The following WDPCP variants were observed in gnomAD, a reference collection of about 807,000 sequenced individuals.
WDPCP encodes WD repeat-containing and planar cell polarity effector protein fritz homolog.
A neutral mutation model predicts 93.1 loss-of-function variants in WDPCP; 71 were observed. That is an observed-to-expected ratio of 0.76 (90% confidence interval 0.63 to 0.93). The LOEUF (loss-of-function observed/expected upper bound fraction) is 0.93, where lower values mean the gene tolerates loss of function less well. WDPCP is among the 40% of genes least tolerant of loss of function. The pLI, the probability that WDPCP is intolerant of heterozygous loss-of-function variation, is 0.00. For missense variants in WDPCP, 844 were observed against 887.4 expected, an observed-to-expected ratio of 0.95 and a Z score of 0.62; for synonymous variants, 315 against 315.0, an observed-to-expected ratio of 1.00 and a Z score of 0.00.
chr2:63,580,487 A>G (rs6737621), intron 1 of WDPCP, among the ~76,000 whole-genome samples: 14 of 151,992 alleles, frequency 9.2e-5, no homozygotes, highest in Non-Finnish European at 1.9e-4. Flanking sequence ...ATGCTCTGAT[A>G]AGGCCACAAC....
chr2:63,606,841 AT>A, intron 3 of WDPCP: 1 of 1,585,304 alleles, frequency 6.3e-7, no homozygotes, highest in Non-Finnish European at 8.6e-7. Flanking sequence ...TAAATCTCTT[AT>A]TTGCATTATT....
intron 2 of WDPCP, among the ~76,000 whole-genome samples, chr2:63,689,743 C>A (rs529897340): frequency 2.4e-4 from 36 of 152,264 alleles, no homozygotes; most frequent in East Asian, 2.3e-3. Context: ...TATAAGATCT[C>A]TGAAATAGAA....
intron 1 of WDPCP, among the ~76,000 whole-genome samples, chr2:63,520,421 A>G (rs1264460330): frequency 6.6e-6 from 1 of 152,172 alleles, no homozygotes; most frequent in Non-Finnish European, 1.5e-5. Context: ...AGATCATCCC[A>G]AAGACAAATA....
chr2:63,362,971 A>C (rs1445915534), intron 12 of WDPCP, among the ~76,000 whole-genome samples: 1 of 152,196 alleles, frequency 6.6e-6, no homozygotes, highest in South Asian at 2.1e-4. Context: ...TTGTAATTTA[A>C]AAACTTAAAA....
chr2:63,736,205 T>A (rs1444463629), intron 2 of WDPCP, among the ~76,000 whole-genome samples: 1 of 152,278 alleles, frequency 6.6e-6, no homozygotes, highest in Non-Finnish European at 1.5e-5. Flanking sequence ...GTGGATATTC[T>A]ATGTTGGCTA....
At chr2:63,533,422 C>G (rs927500944) in intron 1 of WDPCP, among the ~76,000 whole-genome samples, 2 of 152,190 alleles carry the variant, frequency 1.3e-5, no homozygotes, top group Non-Finnish European at 2.9e-5. Context: ...CTCAGCATCA[C>G]ATCACACTTA....
At chr2:63,445,383 G>A (rs535023013) in intron 6 of WDPCP, among the ~76,000 whole-genome samples, 17 of 152,110 alleles carry the variant, frequency 1.1e-4, no homozygotes, top group South Asian at 2.1e-4. Context: ...GGAATACAAC[G>A]TACCTAGAAA....
At chr2:63,169,080 T>C (rs1008359803) in intron 15 of WDPCP, among the ~76,000 whole-genome samples, 1 of 152,238 alleles carries the variant, frequency 6.6e-6, no homozygotes, top group Non-Finnish European at 1.5e-5. Context: ...TCCCATTTTC[T>C]AAAGTTGTAT....
chr2:63,237,082 C>T (rs1315953130), intron 14 of WDPCP, among the ~76,000 whole-genome samples: 6 of 151,812 alleles, frequency 4.0e-5, no homozygotes, highest in Admixed American at 3.9e-4. Flanking sequence ...ACAAACTACA[C>T]CTCCAACAAA....
At chr2:63,807,238 G>A (rs1670780894) in intron 2 of WDPCP, among the ~76,000 whole-genome samples, 2 of 152,204 alleles carry the variant, frequency 1.3e-5, no homozygotes, top group South Asian at 4.1e-4. Context: ...CCCCATTATT[G>A]GAGGAGGGGG....
chr2:63,775,142 C>A (rs2103956699), intron 2 of WDPCP, among the ~76,000 whole-genome samples: 1 of 152,206 alleles, frequency 6.6e-6, no homozygotes, highest in East Asian at 1.9e-4. Flanking sequence ...CAGACCCCAA[C>A]CGATATTTTC....
At chr2:63,434,745 C>G (rs1048480887) in intron 8 of WDPCP, among the ~76,000 whole-genome samples, 1 of 152,118 alleles carries the variant, frequency 6.6e-6, no homozygotes, top group Non-Finnish European at 1.5e-5. Flanking sequence ...GGACCAGACA[C>G]TAGCAAAGGG....
intron 3 of WDPCP, chr2:63,604,895 C>T: frequency 6.2e-7 from 1 of 1,612,386 alleles, no homozygotes; most frequent in Non-Finnish European, 8.5e-7. Flanking sequence ...TGTGAGCCTT[C>T]TTAACACTGA....
At chr2:63,443,644 T>C (rs1697649272) in intron 6 of WDPCP, among the ~76,000 whole-genome samples, 1 of 152,088 alleles carries the variant, frequency 6.6e-6, no homozygotes, top group African/African-American at 2.4e-5. Flanking sequence ...AACTATAATA[T>C]AATTTATGTT....
chr2:63,175,290 G>T (rs1024690110), intron 14 of WDPCP, among the ~76,000 whole-genome samples: 9 of 152,054 alleles, frequency 5.9e-5, no homozygotes, highest in African/African-American at 2.2e-4. Context: ...CCATATCTTA[G>T]AGATGTACAG....
chr2:63,230,187 T>C (rs541230178), intron 14 of WDPCP, among the ~76,000 whole-genome samples: 2 of 150,704 alleles, frequency 1.3e-5, no homozygotes, highest in African/African-American at 4.9e-5. Context: ...CATGCAGTGT[T>C]TGGTTTTCTG....
chr2:63,680,796 T>C (rs189376606), intron 2 of WDPCP, among the ~76,000 whole-genome samples: 20 of 152,126 alleles, frequency 1.3e-4, no homozygotes, highest in Non-Finnish European at 2.9e-4. Context: ...TTCTTTCTAC[T>C]TGAGAAGAGG....
intron 9 of WDPCP, among the ~76,000 whole-genome samples, chr2:63,411,696 C>T (rs1217978931): frequency 6.6e-6 from 1 of 151,954 alleles, no homozygotes; most frequent in Non-Finnish European, 1.5e-5. Context: ...AAAAAGGAGA[C>T]ATTACAACTG....
chr2:63,681,433 T>C (rs1575746153), intron 2 of WDPCP, among the ~76,000 whole-genome samples: 2 of 152,060 alleles, frequency 1.3e-5, no homozygotes, highest in Non-Finnish European at 2.9e-5. Context: ...ATGGTGGTGG[T>C]GGTCATGGAG....
Sources: allele counts gnomAD v4.1 joint callset (sites outside exome capture counted in the v4.1 genomes callset), GRCh38; gene constraint gnomAD v4.1.1; transcripts MANE v1.5; gene names NCBI Gene and HGNC (gene_info 2026-07-23, HGNC 2026-07-21).